SCFD2: variants seen among roughly 807,000 people sequenced by gnomAD.
SCFD2 encodes sec1 family domain containing 2.
Under a neutral mutation model 58.9 loss-of-function variants are expected in SCFD2, and 54 were observed. That is an observed-to-expected ratio of 0.92 (90% CI 0.74 to 1.15). The LOEUF is 1.15. Ranked by LOEUF, SCFD2 falls within the 50% of genes most tolerant of loss-of-function variation. The pLI, the probability that SCFD2 is intolerant of heterozygous loss-of-function variation, is 0.00. For synonymous variants in SCFD2, 321 were observed against 335.9 expected (o/e 0.96, Z 0.49); for missense variants, 805 against 836.6 (o/e 0.96, Z 0.47).
intron 4 of SCFD2, among the ~76,000 whole-genome samples, chr4:53,253,140 G>A (rs2149042631): frequency 6.6e-6 from 1 of 152,312 alleles, no homozygotes. Flanking sequence ...ATGAAAAAAT[G>A]CTCATCATCA....
At chr4:53,048,356 A>C (rs1318680497) in intron 5 of SCFD2, among the ~76,000 whole-genome samples, 3 of 152,304 alleles carry the variant, frequency 2.0e-5, no homozygotes, top group East Asian at 3.9e-4. Flanking sequence ...TCTCAAAATG[A>C]ATAAATAAGT....
intron 5 of SCFD2, among the ~76,000 whole-genome samples, chr4:53,130,315 G>T (rs1321276500): frequency 6.6e-6 from 1 of 152,174 alleles, no homozygotes; most frequent in Non-Finnish European, 1.5e-5. Flanking sequence ...TCAAGTAATT[G>T]TTTAGATGTC....
intron 5 of SCFD2, among the ~76,000 whole-genome samples, chr4:53,098,460 A>G (rs1724729856): frequency 6.6e-6 from 1 of 152,206 alleles, no homozygotes; most frequent in African/African-American, 2.4e-5. Flanking sequence ...GTATGTGTCC[A>G]GGAATTTGTC....
intron 5 of SCFD2, among the ~76,000 whole-genome samples, chr4:52,926,870 A>T: frequency 6.6e-6 from 1 of 152,214 alleles, no homozygotes; most frequent in East Asian, 1.9e-4. Context: ...GCAGTCTGAC[A>T]ACGCCTTTTC....
chr4:52,904,305 T>C (rs1261579083), intron 7 of SCFD2, among the ~76,000 whole-genome samples: 2 of 152,240 alleles, frequency 1.3e-5, no homozygotes, highest in Non-Finnish European at 2.9e-5. Flanking sequence ...GATAACTTTA[T>C]TCACCAGGCT....
intron 2 of SCFD2, among the ~76,000 whole-genome samples, chr4:53,328,257 T>G (rs934519021): frequency 1.3e-5 from 2 of 152,136 alleles, no homozygotes; most frequent in African/African-American, 4.8e-5. Flanking sequence ...TGTGAGGCCC[T>G]GGGAACAGTG....
chr4:53,360,329 G>T (rs1734515506), intron 1 of SCFD2, among the ~76,000 whole-genome samples: 1 of 152,160 alleles, frequency 6.6e-6, no homozygotes, highest in Non-Finnish European at 1.5e-5. Flanking sequence ...TAACAAACTA[G>T]CCCTGATTAA....
chr4:52,885,051 GA>G (rs1292873684), intron 8 of SCFD2, among the ~76,000 whole-genome samples: 3 of 152,188 alleles, frequency 2.0e-5, no homozygotes, highest in Admixed American at 2.0e-4. Context: ...CCATAAAATA[GA>G]AACGTCTATG....
chr4:53,192,875 A>G (rs1727953999), intron 4 of SCFD2, among the ~76,000 whole-genome samples: 2 of 152,192 alleles, frequency 1.3e-5, no homozygotes, highest in South Asian at 4.1e-4. Context: ...ATTACAAAAC[A>G]ACAGCATCTT....
At chr4:52,883,292 T>A (rs933837487) in intron 8 of SCFD2, among the ~76,000 whole-genome samples, 4 of 152,188 alleles carry the variant, frequency 2.6e-5, no homozygotes, top group Non-Finnish European at 5.9e-5. Flanking sequence ...CGCCACAGCA[T>A]GTGTCACTCT....
At chr4:53,110,264 T>C (rs961115075) in intron 5 of SCFD2, among the ~76,000 whole-genome samples, 2 of 152,102 alleles carry the variant, frequency 1.3e-5, no homozygotes, top group African/African-American at 4.8e-5. Context: ...AAATATTAAA[T>C]GTAAGACCTA....
At chr4:52,874,158 G>A in intron 8 of SCFD2, 97 bp from the exon 9 acceptor site, 2 of 848,258 alleles carry the variant, frequency 2.4e-6, no homozygotes, top group South Asian at 2.9e-5. Flanking sequence ...ATGTCTTTGG[G>A]GGAGGGCATG....
chr4:53,048,638 G>C (rs1250892745), intron 5 of SCFD2, among the ~76,000 whole-genome samples: 1 of 152,166 alleles, frequency 6.6e-6, no homozygotes, highest in African/African-American at 2.4e-5. Context: ...CTACTAAGTA[G>C]GTTGAAGTGG....
At chr4:53,188,725 A>C in intron 4 of SCFD2, among the ~76,000 whole-genome samples, 1 of 152,196 alleles carries the variant, frequency 6.6e-6, no homozygotes, top group South Asian at 2.1e-4. Context: ...CAATGAGAGA[A>C]TAGACCTAGT....
At chr4:53,172,356 A>G (rs1255040362) in intron 4 of SCFD2, among the ~76,000 whole-genome samples, 1 of 152,060 alleles carries the variant, frequency 6.6e-6, no homozygotes, top group Admixed American at 6.6e-5. Context: ...TTATGCTGTA[A>G]TCTTTGTTAA....
At chr4:53,120,790 T>C (rs1157581130) in intron 5 of SCFD2, among the ~76,000 whole-genome samples, 3 of 152,200 alleles carry the variant, frequency 2.0e-5, no homozygotes, top group Admixed American at 6.5e-5. Context: ...TGGTATAACA[T>C]GGCCAAGGTA....
At chr4:53,165,675 T>G (rs1445356899) in intron 4 of SCFD2, among the ~76,000 whole-genome samples, 2 of 152,252 alleles carry the variant, frequency 1.3e-5, no homozygotes, top group South Asian at 2.1e-4. Context: ...TAGGTTTTAC[T>G]TATTTACTTT....
intron 4 of SCFD2, among the ~76,000 whole-genome samples, chr4:53,251,049 A>G (rs1217556443): frequency 6.6e-6 from 1 of 152,220 alleles, no homozygotes; most frequent in Non-Finnish European, 1.5e-5. Context: ...GACAATGGGG[A>G]TATCACCACC....
At chr4:53,159,036 C>T (rs1210330882) in intron 4 of SCFD2, among the ~76,000 whole-genome samples, 4 of 152,288 alleles carry the variant, frequency 2.6e-5, no homozygotes, top group Middle Eastern at 3.4e-3. Context: ...CTATTCATAT[C>T]TAGCTTTCTT....
Sources: gnomAD v4.1 joint callset for allele counts (sites outside exome capture counted in the v4.1 genomes callset) on GRCh38, gnomAD v4.1.1 for gene constraint, MANE v1.5 for transcripts, NCBI Gene and HGNC (gene_info 2026-07-23, HGNC 2026-07-21) for gene names.